Variants in SLC25A13 observed in about 807,000 individuals in gnomAD.
SLC25A13 encodes the protein solute carrier family 25 member 13.
A neutral mutation model predicts 85.5 loss-of-function variants in SLC25A13; 70 were observed. That is an observed-to-expected ratio of 0.82 (90% CI 0.68 to 1.00). The LOEUF (loss-of-function observed/expected upper bound fraction) is 1.00, where lower values mean the gene tolerates loss of function less well. Ranked by LOEUF, SLC25A13 falls within the 50% of genes least tolerant of loss-of-function variation. The pLI is 0.00. For synonymous variants in SLC25A13, 259 were observed against 288.7 expected, an observed-to-expected ratio of 0.90 and a Z score of 1.04; for missense variants, 765 against 819.8, an observed-to-expected ratio of 0.93 and a Z score of 0.82.
At chr7:96,161,749 G>C (rs1157334603) in intron 13 of SLC25A13, among the ~76,000 whole-genome samples, 1 of 152,194 alleles carries the variant, frequency 6.6e-6, no homozygotes, top group African/African-American at 2.4e-5. Context: ...GTCAAGAGGA[G>C]ATGGAAGGCA....
At chr7:96,282,624 A>T (rs1019125343) in intron 2 of SLC25A13, among the ~76,000 whole-genome samples, 1 of 152,172 alleles carries the variant, frequency 6.6e-6, no homozygotes, top group African/African-American at 2.4e-5. Flanking sequence ...ACTGTGTAGG[A>T]GATTGTTTTT....
intron 3 of SLC25A13, among the ~76,000 whole-genome samples, chr7:96,244,994 T>C (rs1242725476): frequency 1.3e-5 from 2 of 152,162 alleles, no homozygotes; most frequent in African/African-American, 4.8e-5. Flanking sequence ...AATTGTGAGC[T>C]TAACTCAGTA....
chr7:96,146,724 C>A, intron 13 of SLC25A13, 28 bp from the exon 14 acceptor site: 1 of 1,613,426 alleles, frequency 6.2e-7, no homozygotes, highest in South Asian at 1.1e-5. Flanking sequence ...GATTTAGGAT[C>A]AAAGCAAAGA....
intron 7 of SLC25A13, 105 bp downstream of exon 7, chr7:96,191,004 G>A (rs1562829932): frequency 7.7e-7 from 1 of 1,295,464 alleles, no homozygotes; most frequent in East Asian, 2.3e-5. Context: ...TAGTTAATAT[G>A]TGTCAATGGG....
intron 15 of SLC25A13, among the ~76,000 whole-genome samples, chr7:96,122,827 G>T (rs1310068612): frequency 1.3e-5 from 2 of 152,182 alleles, no homozygotes; most frequent in African/African-American, 2.4e-5. Flanking sequence ...TTAAAAGCGA[G>T]ACTGTACTCA....
At chr7:96,277,581 A>G (rs1452749481) in intron 2 of SLC25A13, among the ~76,000 whole-genome samples, 1 of 152,154 alleles carries the variant, frequency 6.6e-6, no homozygotes, top group African/African-American at 2.4e-5. Context: ...TCTGATGGCA[A>G]TTAAGATTGT....
intron 3 of SLC25A13, among the ~76,000 whole-genome samples, chr7:96,269,540 C>A (rs771966653): frequency 1.3e-5 from 2 of 152,200 alleles, no homozygotes; most frequent in Non-Finnish European, 2.9e-5. Context: ...AAATTCTTCA[C>A]AACTATAAGC....
At chr7:96,256,164 C>G (rs1797627713) in intron 3 of SLC25A13, among the ~76,000 whole-genome samples, 1 of 152,148 alleles carries the variant, frequency 6.6e-6, no homozygotes, top group South Asian at 2.1e-4. Flanking sequence ...GAAACTGCAT[C>G]AACTAATGGG....
At chr7:96,310,927 T>A (rs575032935) in intron 1 of SLC25A13, among the ~76,000 whole-genome samples, 2 of 152,320 alleles carry the variant, frequency 1.3e-5, no homozygotes, top group Admixed American at 1.3e-4. Flanking sequence ...AGTATACAAT[T>A]CAGTGGCATT....
intron 1 of SLC25A13, among the ~76,000 whole-genome samples, chr7:96,321,539 C>A (rs897785472): frequency 1.2e-4 from 18 of 152,188 alleles, no homozygotes; most frequent in African/African-American, 4.1e-4. Context: ...TGGAAGAAGC[C>A]GGAGTCAACA....
At chr7:96,135,382 T>C (rs1187521177) in intron 14 of SLC25A13, among the ~76,000 whole-genome samples, 1 of 152,188 alleles carries the variant, frequency 6.6e-6, no homozygotes. Flanking sequence ...ACTTATTAAA[T>C]TTCCCTGGCC....
At chr7:96,319,159 A>C (rs1800237303) in intron 1 of SLC25A13, among the ~76,000 whole-genome samples, 1 of 152,196 alleles carries the variant, frequency 6.6e-6, no homozygotes, top group South Asian at 2.1e-4. Context: ...ATTGAGTTAT[A>C]ATGAAGGACA....
chr7:96,136,338 C>A (rs1385048800), intron 14 of SLC25A13, among the ~76,000 whole-genome samples: 3 of 152,186 alleles, frequency 2.0e-5, no homozygotes, highest in Non-Finnish European at 2.9e-5. Context: ...GCTTCTCATG[C>A]CTTTTTGATG....
chr7:96,316,265 T>G (rs1462388864), intron 1 of SLC25A13, among the ~76,000 whole-genome samples: 3 of 152,222 alleles, frequency 2.0e-5, no homozygotes, highest in Admixed American at 2.0e-4. Context: ...TGTATAGTAC[T>G]TGAATTATAT....
chr7:96,275,488 A>C (rs1320378884), intron 3 of SLC25A13, among the ~76,000 whole-genome samples: 1 of 152,254 alleles, frequency 6.6e-6, no homozygotes, highest in African/African-American at 2.4e-5. Flanking sequence ...ATCAACCCAA[A>C]TGTCCATCAA....
intron 3 of SLC25A13, among the ~76,000 whole-genome samples, chr7:96,239,037 T>TA (rs1796858246): frequency 7.6e-6 from 1 of 130,904 alleles, no homozygotes; most frequent in Admixed American, 7.9e-5. Context: ...ACTATATATT[T>TA]TATATATATA....
Position 96,174,859 on chromosome 7 carries a change from G to A in SLC25A13, c.1178-3335C>T, listed in dbSNP as rs550631934. The stretch of plus-strand genomic sequence containing the variant: ...GGCAAAAAACAGAAGGGAAAACCCC[G>A]TATTTAAGACTACAAAGAAGGCAAC... On this transcript the variant is annotated intron_variant, in intron 11 of 17. Coordinates refer to ENST00000265631, the MANE Select transcript of SLC25A13 (RefSeq NM_014251.3). Among the ~76,000 whole-genome samples the A allele has an allele frequency of 4.3e-4, 65 of 152,300 alleles. 1 individual carries two copies. The South Asian group carries it at 0.011, about 26-fold the overall frequency.
chr7:96,158,595 C>T (rs1389714171), intron 13 of SLC25A13, among the ~76,000 whole-genome samples: 2 of 152,214 alleles, frequency 1.3e-5, no homozygotes, highest in Non-Finnish European at 2.9e-5. Context: ...TCACAAATGA[C>T]ATGTGCTAAG....
chr7:96,136,699 C>G (rs546634137), intron 14 of SLC25A13, among the ~76,000 whole-genome samples: 1 of 152,294 alleles, frequency 6.6e-6, no homozygotes, highest in East Asian at 1.9e-4. Flanking sequence ...TACCTGCAAA[C>G]ACAGCTCTAA....
Sources: gnomAD v4.1 joint callset for allele counts (sites outside exome capture counted in the v4.1 genomes callset) on GRCh38, gnomAD v4.1.1 for gene constraint, MANE v1.5 for transcripts, NCBI Gene and HGNC (gene_info 2026-07-23, HGNC 2026-07-21) for gene names.